CLIC5: variants seen among roughly 807,000 people sequenced by gnomAD.
The protein encoded by CLIC5 is CLIC family member 5.
Under a neutral mutation model 24.7 loss-of-function variants are expected in CLIC5, and 20 were observed. That is an observed-to-expected ratio of 0.81 (90% CI 0.57 to 1.18). CLIC5 has a LOEUF of 1.18. Among genes scored for constraint, CLIC5 ranks in the 50% most tolerant of loss-of-function variants. CLIC5 has a pLI of 0.00. For missense variants in CLIC5, 341 were observed against 326.1 expected (o/e 1.05, Z -0.35); for synonymous variants, 159 against 135.6 (o/e 1.17, Z -1.20).
chr6:46,129,653 C>A, the CLIC5 span: 2 of 152,234 alleles, frequency 1.3e-5, no homozygotes, highest in Non-Finnish European at 2.9e-5. Context: ...TTGCTTTCTC[C>A]GCGGCCACCT....
chr6:45,993,655 T>G (rs145790551), intron 1 of CLIC5, among the ~76,000 whole-genome samples: 7 of 152,346 alleles, frequency 4.6e-5, no homozygotes, highest in Admixed American at 4.6e-4. Context: ...TTTCTAACCC[T>G]GACAAACTTT....
intron 1 of CLIC5, among the ~76,000 whole-genome samples, chr6:46,020,947 A>G (rs528753009): frequency 6.6e-6 from 1 of 152,130 alleles, no homozygotes; most frequent in African/African-American, 2.4e-5. Context: ...AAAGAAAACT[A>G]CAGCCCCATA....
rs56287981 is a variant in CLIC5 at position 45,974,138 on chromosome 6, C to T, written c.64-18894G>A. On this transcript the variant is annotated intron_variant, in intron 1 of 5. Transcript: ENST00000339561. ...AAATCTTGCATGTGTTCGTATTGTA[C>T]GTGTGAGAGAGAGGAGAAATATATA... Among the ~76,000 whole-genome samples, 814 of 151,942 alleles carry T rather than the reference C, an allele frequency of 5.4e-3. 4 individuals are homozygous for T. Among genetic ancestry groups the T allele is most frequent in the African/African-American group, 0.018 (751 of 41,422 alleles).
intron 1 of CLIC5, among the ~76,000 whole-genome samples, chr6:45,992,150 C>A (rs1008703428): frequency 6.6e-6 from 1 of 152,196 alleles, no homozygotes; most frequent in African/African-American, 2.4e-5. Context: ...TCAATGGTAT[C>A]AGGTGCTCAC....
At chr6:46,071,622 T>A (rs1217184939) in intron 1 of CLIC5, among the ~76,000 whole-genome samples, 2 of 152,196 alleles carry the variant, frequency 1.3e-5, no homozygotes, top group African/African-American at 4.8e-5. Context: ...TGACCACTTA[T>A]ACACTGTTGA....
chr6:46,009,238 C>T (rs1766712889), intron 1 of CLIC5, among the ~76,000 whole-genome samples: 1 of 152,118 alleles, frequency 6.6e-6, no homozygotes, highest in Non-Finnish European at 1.5e-5. Flanking sequence ...TTAACAACTC[C>T]ATTTCTTTTT....
At chr6:46,036,320 T>G (rs1351551501) in intron 1 of CLIC5, among the ~76,000 whole-genome samples, 2 of 142,388 alleles carry the variant, frequency 1.4e-5, no homozygotes, top group Admixed American at 6.9e-5. Context: ...TTTTTTTTTT[T>G]TTTTTTTGAG....
chr6:45,965,320 C>T (rs951679568), intron 1 of CLIC5, among the ~76,000 whole-genome samples: 1 of 152,166 alleles, frequency 6.6e-6, no homozygotes, highest in Non-Finnish European at 1.5e-5. Flanking sequence ...TGAAAAGCAA[C>T]ACCCTCCAAC....
intron 1 of CLIC5, among the ~76,000 whole-genome samples, chr6:45,979,092 GC>G (rs537217775): frequency 2.8e-4 from 42 of 152,260 alleles, no homozygotes; most frequent in African/African-American, 9.9e-4. Context: ...ACTAAGTGGA[GC>G]CCTGGTTCCA....
At chr6:46,095,086 C>T in the CLIC5 span, among the ~76,000 whole-genome samples, 10 of 152,318 alleles carry the variant, frequency 6.6e-5, no homozygotes, top group South Asian at 2.1e-4. Flanking sequence ...CTTTAAGCCA[C>T]GGCTGGGGTA....
At chr6:45,922,835 TAGAGAG>T (rs36124366) in intron 4 of CLIC5, among the ~76,000 whole-genome samples, 2 of 144,294 alleles carry the variant, frequency 1.4e-5, no homozygotes, top group African/African-American at 5.1e-5. Context: ...GAGAGAGAGA[TAGAGAG>T]AGAGAGAGAG....
chr6:46,033,386 T>G (rs9463171), intron 1 of CLIC5, among the ~76,000 whole-genome samples: 1 of 152,190 alleles, frequency 6.6e-6, no homozygotes, highest in East Asian at 1.9e-4. Context: ...GTTTCCTGTG[T>G]CAGGCATTTG....
At chr6:46,014,749 A>G (rs1766935722) in intron 1 of CLIC5, 1 of 152,230 alleles carries the variant, frequency 6.6e-6, no homozygotes, top group Admixed American at 6.5e-5. Context: ...CAGCTCTGAC[A>G]TTAGGCAGTT....
At chr6:46,083,797 G>A (rs1762974022), upstream of CLIC5, among the ~76,000 whole-genome samples, 1 of 151,838 alleles carries the variant, frequency 6.6e-6, no homozygotes, top group African/African-American at 2.4e-5. Context: ...AGGTCTGCTT[G>A]GTGCAGAGCT....
chr6:45,908,825 TGTTA>T (rs570249636), intron 5 of CLIC5, among the ~76,000 whole-genome samples: 18 of 152,318 alleles, frequency 1.2e-4, no homozygotes, highest in Middle Eastern at 3.4e-3. Flanking sequence ...AGAATATCTT[TGTTA>T]GTTTTCTGCC....
chr6:46,097,874 C>T, the CLIC5 span, among the ~76,000 whole-genome samples: 26 of 152,202 alleles, frequency 1.7e-4, no homozygotes, highest in Middle Eastern at 6.8e-3. Context: ...GGAAGACAGA[C>T]GGAAACTACT....
At chr6:46,073,434 G>T (rs937639800) in intron 1 of CLIC5, among the ~76,000 whole-genome samples, 1 of 152,128 alleles carries the variant, frequency 6.6e-6, no homozygotes, top group Non-Finnish European at 1.5e-5. Context: ...ATTTAAATAC[G>T]TGGACACATC....
At chr6:46,072,887 T>C (rs1762650661) in intron 1 of CLIC5, among the ~76,000 whole-genome samples, 1 of 152,188 alleles carries the variant, frequency 6.6e-6, no homozygotes, top group Non-Finnish European at 1.5e-5. Flanking sequence ...CTGGCACAAA[T>C]ATTTTTGCAT....
At chr6:46,009,373 G>A (rs1766718289) in intron 1 of CLIC5, among the ~76,000 whole-genome samples, 1 of 152,118 alleles carries the variant, frequency 6.6e-6, no homozygotes, top group Admixed American at 6.5e-5. Context: ...AAAGCAGGTT[G>A]TCATTTAGCG....
Sources: gnomAD v4.1 joint callset for allele counts (sites outside exome capture counted in the v4.1 genomes callset) on GRCh38, gnomAD v4.1.1 for gene constraint, MANE v1.5 for transcripts, NCBI Gene and HGNC (gene_info 2026-07-23, HGNC 2026-07-21) for gene names.